Variants in KCNB2 observed in about 807,000 individuals in gnomAD.
The protein encoded by KCNB2 is potassium voltage-gated channel subfamily B member 2, also known as delayed rectifier potassium channel protein.
A neutral mutation model predicts 61.5 loss-of-function variants in KCNB2; 15 were observed. The ratio of observed to expected loss-of-function variants is 0.24; its 90% CI spans 0.16 to 0.38. The LOEUF is 0.38. KCNB2 is among the 10% of genes least tolerant of loss of function. The pLI, the probability that KCNB2 is intolerant of heterozygous loss-of-function variation, is 1.00. For synonymous variants in KCNB2, 457 were observed against 446.0 expected, an observed-to-expected ratio of 1.02 and a Z score of -0.31; for missense variants, 828 against 1,125.2, an observed-to-expected ratio of 0.74 and a Z score of 3.78.
At chr8:72,663,152 T>C (rs1213369500) in intron 2 of KCNB2, among the ~76,000 whole-genome samples, 3 of 152,182 alleles carry the variant, frequency 2.0e-5, no homozygotes, top group African/African-American at 7.2e-5. Context: ...TTTTTAGTTC[T>C]TGTAGGTGGA....
chr8:72,721,643 C>T (rs974772294), intron 2 of KCNB2, among the ~76,000 whole-genome samples: 2 of 152,170 alleles, frequency 1.3e-5, no homozygotes, highest in Non-Finnish European at 2.9e-5. Context: ...TGTGCCCTCA[C>T]AGACATGAAA....
At chr8:72,600,729 A>G (rs559763503) in intron 2 of KCNB2, among the ~76,000 whole-genome samples, 6 of 152,188 alleles carry the variant, frequency 3.9e-5, no homozygotes, top group Non-Finnish European at 7.3e-5. Flanking sequence ...TAGCAAACTA[A>G]CAGATGAACA....
intron 2 of KCNB2, among the ~76,000 whole-genome samples, chr8:72,798,213 T>C (rs1191920597): frequency 6.6e-6 from 1 of 152,172 alleles, no homozygotes; most frequent in Non-Finnish European, 1.5e-5. Flanking sequence ...CCTAGATTAG[T>C]GATACCCATA....
intron 2 of KCNB2, among the ~76,000 whole-genome samples, chr8:72,718,481 G>T (rs989104165): frequency 6.6e-6 from 1 of 152,110 alleles, no homozygotes; most frequent in African/African-American, 2.4e-5. Flanking sequence ...ATTCTATGCA[G>T]CCATAAAAAA....
At chr8:72,712,996 G>T (rs1417212080) in intron 2 of KCNB2, among the ~76,000 whole-genome samples, 1 of 152,196 alleles carries the variant, frequency 6.6e-6, no homozygotes, top group Non-Finnish European at 1.5e-5. Context: ...TTAACAAATG[G>T]CACACCAGGA....
intron 2 of KCNB2, among the ~76,000 whole-genome samples, chr8:72,925,960 C>T (rs989698346): frequency 3.3e-5 from 5 of 152,166 alleles, no homozygotes; most frequent in African/African-American, 1.2e-4. Flanking sequence ...ATGCATGGAG[C>T]TGGGAGCCAT....
chr8:72,778,520 T>G (rs955503699), intron 2 of KCNB2, among the ~76,000 whole-genome samples: 3 of 151,632 alleles, frequency 2.0e-5, no homozygotes, highest in Non-Finnish European at 4.4e-5. Flanking sequence ...GGCAGATTGC[T>G]TGAGCCCAGG....
chr8:72,800,232 T>C (rs1208484619), intron 2 of KCNB2, among the ~76,000 whole-genome samples: 2 of 152,162 alleles, frequency 1.3e-5, no homozygotes, highest in Non-Finnish European at 2.9e-5. Flanking sequence ...ATTTTAAAAA[T>C]AGACCTTTAG....
At chr8:72,717,362 C>T (rs1249686367) in intron 2 of KCNB2, among the ~76,000 whole-genome samples, 5 of 152,144 alleles carry the variant, frequency 3.3e-5, no homozygotes, top group Admixed American at 2.6e-4. Flanking sequence ...CAAGTCAATC[C>T]TAAGCCAAAA....
chr8:72,606,315 T>G (rs533613093), intron 2 of KCNB2, among the ~76,000 whole-genome samples: 1 of 152,268 alleles, frequency 6.6e-6, no homozygotes, highest in South Asian at 2.1e-4. Flanking sequence ...TCTGTACACT[T>G]TGATGAATAT....
intron 1 of KCNB2, among the ~76,000 whole-genome samples, chr8:72,555,881 G>GT (rs777361457): frequency 2.6e-5 from 4 of 151,940 alleles, no homozygotes; most frequent in Non-Finnish European, 5.9e-5. Flanking sequence ...TTAGCATTAG[G>GT]TTTTTTAAAG....
chr8:72,803,646 G>T (rs1809165483), intron 2 of KCNB2, among the ~76,000 whole-genome samples: 1 of 152,202 alleles, frequency 6.6e-6, no homozygotes, highest in Non-Finnish European at 1.5e-5. Flanking sequence ...AAGAGAGGGA[G>T]TTAACACTAC....
chr8:72,806,246 T>C (rs893274429), intron 2 of KCNB2, among the ~76,000 whole-genome samples: 3 of 150,370 alleles, frequency 2.0e-5, no homozygotes, highest in Admixed American at 6.7e-5. Context: ...TAATCCCAGC[T>C]ACTTGGGAGG....
chr8:72,583,875 A>AT (rs1023619316), intron 2 of KCNB2, among the ~76,000 whole-genome samples: 8 of 146,248 alleles, frequency 5.5e-5, no homozygotes, highest in African/African-American at 1.3e-4. Context: ...CTAGATACCC[A>AT]TTTTTTTTAA....
In KCNB2 at chr8:72,936,849, T is replaced by C. The variant is rs1379535029; in HGVS notation, c.1494T>C (p.Ala498=). The C allele has an allele frequency of 1.2e-6, 2 of 1,613,956 alleles. No individual in the cohort carries two copies. Among genetic ancestry groups the C allele is most frequent in the Non-Finnish European group, 1.7e-6 (2 of 1,180,024 alleles). The part of the protein sequence containing the change: ...SPSRWKWARK[A]LSETSSNKSF... ...GCCGGTGGAAGTGGGCCAGGAAGGC[T>C]CTGTCGGAAACAAGCTCCAACAAGT... Residue 498 remains alanine, a synonymous_variant, in exon 3 of 3, where the codon GCT becomes GCC. Transcript: ENST00000523207. This position sits in a 1 kb window ranked among gnomAD's most constrained non-coding sequence, Gnocchi z 5.6.
chr8:72,694,885 A>C (rs1806993829), intron 2 of KCNB2, among the ~76,000 whole-genome samples: 1 of 151,938 alleles, frequency 6.6e-6, no homozygotes, highest in South Asian at 2.1e-4. Context: ...TAAATACCTT[A>C]TTTGTTCAAT....
At chr8:72,558,178 G>A (rs1307315886) in intron 1 of KCNB2, among the ~76,000 whole-genome samples, 1 of 152,152 alleles carries the variant, frequency 6.6e-6, no homozygotes, top group African/African-American at 2.4e-5. Flanking sequence ...ATGTTTCCAG[G>A]TTTAAGCCCT....
intron 2 of KCNB2, among the ~76,000 whole-genome samples, chr8:72,909,865 A>T (rs1252083224): frequency 6.6e-6 from 1 of 152,106 alleles, no homozygotes; most frequent in Non-Finnish European, 1.5e-5. Context: ...GGAGGAATAG[A>T]TTTAGTGCCA....
chr8:72,894,525 A>G (rs1004512067), intron 2 of KCNB2, among the ~76,000 whole-genome samples: 1 of 152,190 alleles, frequency 6.6e-6, no homozygotes, highest in South Asian at 2.1e-4. Flanking sequence ...AAGACAATGA[A>G]TTGTGTGTTG....
Sources: allele counts gnomAD v4.1 joint callset (sites outside exome capture counted in the v4.1 genomes callset), GRCh38; gene constraint gnomAD v4.1.1; non-coding constraint Gnocchi (gnomAD v3.1); transcripts MANE v1.5; gene names NCBI Gene and HGNC (gene_info 2026-07-23, HGNC 2026-07-21).